The following MKI67 variants were observed in gnomAD, a reference collection of about 807,000 sequenced individuals.
The protein encoded by MKI67 is proliferation marker protein Ki-67.
Under a neutral mutation model 233.5 loss-of-function variants are expected in MKI67, and 152 were observed. The ratio of observed to expected loss-of-function variants is 0.65; its 90% CI spans 0.57 to 0.74. The LOEUF (loss-of-function observed/expected upper bound fraction) is 0.74, where lower values mean the gene tolerates loss of function less well. MKI67 is among the 30% of genes least tolerant of loss of function. The probability of loss-of-function intolerance (pLI) is 0.00; values close to 1 mark genes in which losing one functional copy is unlikely to be tolerated. For missense variants in MKI67, 3,940 were observed against 3,885.2 expected, an observed-to-expected ratio of 1.01 and a Z score of -0.37; for synonymous variants, 1,465 against 1,418.5, an observed-to-expected ratio of 1.03 and a Z score of -0.74.
rs746383835 is a variant in MKI67 at position 128,106,948 on chromosome 10, C to T, written c.4892G>A (p.Arg1631Gln). The T allele has an allele frequency of 2.5e-5, 41 of 1,613,338 alleles. No homozygotes were observed. Among genetic ancestry groups the T allele is most frequent in the East Asian group, 4.5e-5 (2 of 44,834 alleles). ...TTTCCCCAGGGATGTCTTGAGCCGT[C>T]GCTTGGAGCTTGCTGGGTTTTTGTC... ...DPDKNPASSK[R>Q]RLKTSLGKVG... is the part of the protein sequence containing the mutation. Residue 1631 changes from arginine to glutamine, a missense_variant, in exon 13 of 15, where the codon CGA becomes CAA. Arg to Gln is a conservative substitution (Grantham distance 43). Transcript: ENST00000368654.
chr10:128,121,527 T>C (rs946615212), intron 4 of MKI67, among the ~76,000 whole-genome samples: 1 of 21,294 alleles, frequency 4.7e-5, no homozygotes, highest in Non-Finnish European at 6.3e-5. Context: ...CTATATAATA[T>C]TATATATTAT....
Position 128,103,089 on chromosome 10 carries a change from A to G in MKI67, c.8751T>C (p.Asp2917=), listed in dbSNP as rs2857030. The change falls in exon 13 of 15, where the codon GAT becomes GAC. Residue 2917 remains aspartate (D), a synonymous_variant. Transcript: ENST00000368654. ...GAGAGAGCTCTTGGAAGCTGGCCAG[A>G]TCTTCCAGGGGTTGGGCCTTTTCCT... The part of the protein sequence containing the change: ...APKEKAQPLE[D]LASFQELSQT... The G allele has an allele frequency of 2.5e-6, 4 of 1,614,206 alleles. No individual in the cohort carries two copies. The highest frequency in any genetic ancestry group is 3.4e-6 in the Non-Finnish European group (4 of 1,180,026).
rs1246515048 is a variant in MKI67 at position 128,108,384 on chromosome 10, C to A, written c.3456G>T (p.Arg1152Ser). 1 of 1,614,004 alleles carries A rather than the reference C, an allele frequency of 6.2e-7. No homozygotes were observed. The highest frequency in any genetic ancestry group is 8.5e-7 in the Non-Finnish European group (1 of 1,180,010). ...STKQWPKRSLRKADVEEEFLA... is the reference protein window; with the variant it reads ...STKQWPKRSLSKADVEEEFLA... ...AGAATTCTTCCTCTACATCTGCTTT[C>A]CTGAGACTTCTCTTAGGCCATTGCT... The change falls in exon 13 of 15, where the codon AGG (arginine) becomes AGT (serine). Residue 1152 changes from arginine (R) to serine (S), a missense_variant. Coordinates refer to ENST00000368654, the MANE Select transcript of MKI67 (RefSeq NM_002417.5).
intron 11 of MKI67, 103 bp downstream of exon 11, chr10:128,111,541 AT>A: frequency 1.2e-6 from 1 of 811,358 alleles, no homozygotes; most frequent in Non-Finnish European, 1.8e-6. Flanking sequence ...CGTTTATTTT[AT>A]AATCTCTTTC....
intron 8 of MKI67, among the ~76,000 whole-genome samples, chr10:128,113,217 C>T (rs952912288): frequency 2.0e-5 from 3 of 152,150 alleles, no homozygotes; most frequent in Admixed American, 1.3e-4. Context: ...TCCCCCGACT[C>T]GGTCGCATCA....
intron 5 of MKI67, among the ~76,000 whole-genome samples, chr10:128,118,108 C>T (rs2782866): frequency 0.29 from 44,411 of 152,014 alleles, 6,589 homozygotes; most frequent in East Asian, 0.35. Context: ...ACTTAAATGG[C>T]AGAAATGGAC....
chr10:128,104,865 T>A lies in MKI67; in HGVS notation c.6975A>T (p.Thr2325=). 1 of 1,612,848 alleles carries A rather than the reference T, an allele frequency of 6.2e-7. No homozygotes were observed. Among genetic ancestry groups the A allele is most frequent in the Non-Finnish European group, 8.5e-7 (1 of 1,179,764 alleles). ...DLAGFKELFQ[T]PGTDKPTTDE... ...CAGTCGTGGGCTTGTCAGTGCCTGG[T>A]GTCTGGAAGAGCTCTTTGAAGCCAG... is the stretch of plus-strand genomic sequence containing the variant. Residue 2325 remains threonine (T), a synonymous_variant, in exon 13 of 15, where the codon ACA becomes ACT. Transcript: ENST00000368654.
At position 128,104,839 on chromosome 10, in the gene MKI67, T is replaced by C. The variant is rs774195092; in HGVS notation, c.7001A>G (p.Asp2334Gly). 1 of 1,612,372 alleles carries C rather than the reference T, an allele frequency of 6.2e-7. No homozygotes were observed. Among genetic ancestry groups the C allele is most frequent in the Non-Finnish European group, 8.5e-7 (1 of 1,179,676 alleles). Residue 2334 changes from aspartate to glycine, a missense_variant, in exon 13 of 15, where the codon GAT becomes GGT. By Grantham distance (94) the Asp-to-Gly change is moderately conservative (BLOSUM62 -1). Coordinates refer to ENST00000368654, the MANE Select transcript of MKI67 (RefSeq NM_002417.5). ...QTPGTDKPTTDEKTTKIACKS... is the reference protein window; with the variant it reads ...QTPGTDKPTTGEKTTKIACKS... ...GCAGGCTATTTTGGTAGTTTTCTCA[T>C]CAGTCGTGGGCTTGTCAGTGCCTGG...
At position 128,103,238 on chromosome 10, in the gene MKI67, T is replaced by C; in HGVS notation, c.8602A>G (p.Thr2868Ala). 1 of 1,614,172 alleles carries C rather than the reference T, an allele frequency of 6.2e-7. No individual in the cohort carries two copies. The highest frequency in any genetic ancestry group is 8.5e-7 in the Non-Finnish European group (1 of 1,180,016). ...VGKLTQTSGE[T>A]THTDKEPVGE... Reference sequence around the variant, plus strand: ...ACCGGCTCTTTGTCGGTGTGCGTGGTCTCCCCTGAGGTTTGTGTGAGCTTG... The same window carrying C: ...ACCGGCTCTTTGTCGGTGTGCGTGGCCTCCCCTGAGGTTTGTGTGAGCTTG... Residue 2868 changes from threonine (T) to alanine (A), a missense_variant, in exon 13 of 15, where the codon ACC (threonine) becomes GCC (alanine). Thr to Ala is a moderately conservative substitution (Grantham distance 58). Transcript: ENST00000368654.
In MKI67 at chr10:128,113,703, A is replaced by T. The variant is rs1433600764; in HGVS notation, c.1481-101T>A. 4 of 1,047,520 alleles carry T rather than the reference A, an allele frequency of 3.8e-6. No homozygotes were observed. The South Asian group carries it at 5.8e-5, about 15-fold the overall frequency. 64.9% of individuals were successfully genotyped at this position (1,047,520 alleles called of 1,614,324 possible). A position where few individuals can be genotyped will look rare whatever the true frequency, so the allele number is the denominator to read the frequency against. On this transcript the variant is annotated intron_variant, in intron 7 of 14. Transcript: ENST00000368654. The stretch of plus-strand genomic sequence containing the variant: ...TTAAAGACAAACCAAGTGAAAAGTC[A>T]TCGAAACACAGTACCTACAGCACGC...
chr10:128,112,991 AG>A (rs1472441771), intron 8 of MKI67, among the ~76,000 whole-genome samples: 1 of 152,270 alleles, frequency 6.6e-6, no homozygotes, highest in Non-Finnish European at 1.5e-5. Context: ...AAGGTGTAAA[AG>A]GAAGATGTGC....
chr10:128,097,412 A>C lies in MKI67; in HGVS notation c.*1778T>G, dbSNP rs530296107. On this transcript the variant is annotated 3_prime_UTR_variant, in exon 15 of 15. Coordinates refer to ENST00000368654, the MANE Select transcript of MKI67 (RefSeq NM_002417.5). ...GAAAACCACCCTTAGCGTGCTCTTGAAATACTGTACTTACCAGGGTGAGAA... is the reference window on the plus strand; with the variant it reads ...GAAAACCACCCTTAGCGTGCTCTTGCAATACTGTACTTACCAGGGTGAGAA... 1.3e-5 allele frequency: 2 copies of C among 152,252 alleles called. No individual in the cohort carries two copies. Among genetic ancestry groups the C allele is most frequent in the South Asian group, 4.1e-4 (2 of 4,822 alleles). The allele number at this position is 152,252 out of a possible 1,614,324, so 9.4% of individuals were successfully genotyped here.
intron 13 of MKI67, among the ~76,000 whole-genome samples, chr10:128,102,076 AC>A (rs1263885938): frequency 5.2e-5 from 8 of 152,382 alleles, no homozygotes; most frequent in Admixed American, 1.3e-4. Context: ...CTAAGGCAGA[AC>A]AGGAAATTGC....
chr10:128,108,327 C>T lies in MKI67; in HGVS notation c.3513G>A (p.Gly1171=). ...LALRKLTPSA[G]KAMLTPKPAG... Reference sequence around the variant, plus strand: ...CTGGTTTGGGCGTAAGCATGGCTTTCCCTGCTGATGGTGTTAGTTTCCTGA... The same window carrying T: ...CTGGTTTGGGCGTAAGCATGGCTTTTCCTGCTGATGGTGTTAGTTTCCTGA... Residue 1171 remains glycine, a synonymous_variant, in exon 13 of 15, where the codon GGG becomes GGA. Coordinates refer to ENST00000368654, the MANE Select transcript of MKI67 (RefSeq NM_002417.5). The T allele has an allele frequency of 6.2e-7, 1 of 1,613,486 alleles. No individual in the cohort carries two copies. The highest frequency in any genetic ancestry group is 1.1e-5 in the South Asian group (1 of 91,032).
intron 5 of MKI67, among the ~76,000 whole-genome samples, chr10:128,118,263 G>C (rs1371662837): frequency 6.6e-6 from 1 of 152,088 alleles, no homozygotes; most frequent in African/African-American, 2.4e-5. Context: ...AGGCATGGTG[G>C]TGTGCACCTG....
rs774704832 is a variant in MKI67, at chr10:128,104,527, A to G, written c.7313T>C (p.Val2438Ala). The change falls in exon 13 of 15, where the codon GTT becomes GCT. Residue 2438 changes from valine to alanine, a missense_variant. Transcript: ENST00000368654. ...KEKAEALEDL[V>A]GFKELFQTPG... is the part of the protein sequence containing the mutation. ...TGTCTGGAAGAGTTCTTTGAAGCCAACCAGGTCCTCTAGAGCCTCAGCCTT... is the reference window on the plus strand; with the variant it reads ...TGTCTGGAAGAGTTCTTTGAAGCCAGCCAGGTCCTCTAGAGCCTCAGCCTT... 25 of 1,613,846 alleles carry G rather than the reference A, an allele frequency of 1.5e-5. No homozygotes were observed. Among genetic ancestry groups the G allele is most frequent in the Non-Finnish European group, 1.9e-5 (23 of 1,179,930 alleles).
chr10:128,101,404 T>A lies in MKI67; in HGVS notation c.9559A>T (p.Lys3187Ter). 1 of 1,614,194 alleles carries A rather than the reference T, an allele frequency of 6.2e-7. No homozygotes were observed. The highest frequency in any genetic ancestry group is 8.5e-7 in the Non-Finnish European group (1 of 1,180,038). Residue 3187 changes from lysine to a stop codon, truncating the protein, a stop_gained, in exon 14 of 15, where the codon AAA becomes TAA. Coordinates refer to ENST00000368654, the MANE Select transcript of MKI67 (RefSeq NM_002417.5). LOFTEE classifies it high-confidence loss of function. ...GAATTTCCTGCTTCTCCTTTCCCTT[T>A]CTGATTCTGCATGAGAACCTTCGCA... ...KSAKVLMQNQ[K>*]GKGEAGNSDS... is the part of the protein sequence containing the mutation.
Position 128,105,459 on chromosome 10 carries a change from T to C in MKI67, c.6381A>G (p.Lys2127=). The C allele has an allele frequency of 6.2e-7, 1 of 1,614,144 alleles. No individual in the cohort carries two copies. Residue 2127 remains lysine (K), a synonymous_variant, in exon 13 of 15, where the codon AAA becomes AAG. Transcript: ENST00000368654. ...TRRRPKTPLG[K]RDIVEELSAL... ...CTGAGAGCTCTTCCACTATATCCCT[T>C]TTCCCCAAAGGTGTTTTGGGCCGCC... is the stretch of plus-strand genomic sequence containing the variant.
In MKI67 at chr10:128,104,630, C is replaced by G; in HGVS notation, c.7210G>C (p.Val2404Leu). 1 of 1,611,642 alleles carries G rather than the reference C, an allele frequency of 6.2e-7. No homozygotes were observed. The highest frequency in any genetic ancestry group is 1.3e-5 in the African/African-American group (1 of 74,176). The change falls in exon 13 of 15, where the codon GTG (valine) becomes CTG (leucine). Residue 2404 changes from valine to leucine, a missense_variant. Val to Leu is a conservative substitution (Grantham distance 32, BLOSUM62 1). Transcript: ENST00000368654. ...VSDEKNINTFVETPVQKLDLL... is the reference protein window; with the variant it reads ...VSDEKNINTFLETPVQKLDLL... ...TCCAGTTTCTGCACTGGAGTTTCCACAAATGTGTTGATATTTTTCTCATCA... is the reference window on the plus strand; with the variant it reads ...TCCAGTTTCTGCACTGGAGTTTCCAGAAATGTGTTGATATTTTTCTCATCA...
Sources: allele counts gnomAD v4.1 joint callset (sites outside exome capture counted in the v4.1 genomes callset), GRCh38; gene constraint gnomAD v4.1.1; transcripts MANE v1.5; gene names NCBI Gene and HGNC (gene_info 2026-07-23, HGNC 2026-07-21).